The following TNKS variants were observed in gnomAD, a reference collection of about 807,000 sequenced individuals.
TNKS encodes tankyrase, also known as poly [ADP-ribose] polymerase tankyrase-1.
In TNKS, 72 loss-of-function variants were observed where a neutral mutation model predicts 135.8. The ratio of observed to expected loss-of-function variants is 0.53; its 90% CI spans 0.44 to 0.64. The LOEUF is 0.64. TNKS is among the 30% of genes least tolerant of loss of function. The pLI is 0.00. For synonymous variants in TNKS, 849 were observed against 649.3 expected, an observed-to-expected ratio of 1.31 and a Z score of -4.68; for missense variants, 1,769 against 1,674.0, an observed-to-expected ratio of 1.06 and a Z score of -0.99.
chr8:9,776,811 C>A lies in TNKS; in HGVS notation c.*75C>A. Reference sequence around the variant, plus strand: ...TACAGAGGATTGTTTCTAATAACAACATCAATATTCTAGAAGTCCCTGACA... The same window carrying A: ...TACAGAGGATTGTTTCTAATAACAAAATCAATATTCTAGAAGTCCCTGACA... On this transcript the variant is annotated 3_prime_UTR_variant, in exon 27 of 27. Coordinates refer to ENST00000310430, the MANE Select transcript of TNKS (RefSeq NM_003747.3). 1 of 1,401,208 alleles carries A rather than the reference C, an allele frequency of 7.1e-7. No homozygotes were observed. Among genetic ancestry groups the A allele is most frequent in the Non-Finnish European group, 1.0e-6 (1 of 993,724 alleles). 86.8% of individuals were successfully genotyped at this position (1,401,208 alleles called of 1,614,324 possible).
intron 13 of TNKS, among the ~76,000 whole-genome samples, chr8:9,728,051 T>C (rs1805248082): frequency 6.6e-6 from 1 of 152,232 alleles, no homozygotes; most frequent in African/African-American, 2.4e-5. Context: ...GTGCTTATTA[T>C]AATTAATACA....
intron 9 of TNKS, among the ~76,000 whole-genome samples, chr8:9,708,841 T>A (rs1804181804): frequency 1.3e-5 from 2 of 152,162 alleles, no homozygotes; most frequent in Admixed American, 6.5e-5. Flanking sequence ...TAGATTTCCT[T>A]CTGTAGAAGA....
chr8:9,700,957 G>A (rs952518130), intron 5 of TNKS, among the ~76,000 whole-genome samples: 27 of 146,058 alleles, frequency 1.8e-4, no homozygotes, highest in African/African-American at 5.1e-4. Context: ...TTTTTGAGAC[G>A]GAGTCTTGCT....
At chr8:9,626,568 T>G (rs960975308) in intron 3 of TNKS, among the ~76,000 whole-genome samples, 2 of 152,210 alleles carry the variant, frequency 1.3e-5, no homozygotes, top group African/African-American at 4.8e-5. Flanking sequence ...TGATTTTCTG[T>G]TGAAACCTAG....
At chr8:9,600,040 G>A (rs568377215) in intron 2 of TNKS, among the ~76,000 whole-genome samples, 65 of 152,240 alleles carry the variant, frequency 4.3e-4, no homozygotes, top group African/African-American at 1.4e-3. Context: ...TAAAAATTAT[G>A]TGCATAGGCT....
chr8:9,635,870 C>T (rs1009969276), intron 3 of TNKS, among the ~76,000 whole-genome samples: 1 of 152,050 alleles, frequency 6.6e-6, no homozygotes, highest in Non-Finnish European at 1.5e-5. Context: ...ACTAAAGAGA[C>T]ATGACAACTA....
intron 1 of TNKS, among the ~76,000 whole-genome samples, chr8:9,571,411 G>T (rs554849463): frequency 6.6e-6 from 1 of 152,154 alleles, no homozygotes; most frequent in African/African-American, 2.4e-5. Context: ...TTTGAGGGAT[G>T]ATCTGCTTAT....
At chr8:9,577,727 A>C (rs1798006875) in intron 1 of TNKS, among the ~76,000 whole-genome samples, 2 of 152,038 alleles carry the variant, frequency 1.3e-5, no homozygotes, top group South Asian at 2.1e-4. Context: ...ATCCAAACCA[A>C]ATTTTTTGGT....
chr8:9,700,184 T>C (rs1454263390), intron 5 of TNKS, among the ~76,000 whole-genome samples: 1 of 152,160 alleles, frequency 6.6e-6, no homozygotes, highest in Non-Finnish European at 1.5e-5. Context: ...ACAGCATTTA[T>C]ATTGTATTGC....
At chr8:9,727,671 T>C (rs1805231101) in intron 13 of TNKS, among the ~76,000 whole-genome samples, 1 of 152,222 alleles carries the variant, frequency 6.6e-6, no homozygotes, top group Non-Finnish European at 1.5e-5. Context: ...CACCTCTTCT[T>C]AAGCAAACTT....
At chr8:9,690,688 A>G (rs1242024452) in intron 5 of TNKS, among the ~76,000 whole-genome samples, 1 of 149,840 alleles carries the variant, frequency 6.7e-6, no homozygotes, top group East Asian at 2.0e-4. Flanking sequence ...CTGGGAATAA[A>G]TGTAAGTAAG....
At chr8:9,605,868 A>G (rs566119670) in intron 2 of TNKS, among the ~76,000 whole-genome samples, 101 of 152,056 alleles carry the variant, frequency 6.6e-4, no homozygotes, top group African/African-American at 2.3e-3. Flanking sequence ...ATGTGTTGCA[A>G]ATATTTTCTT....
chr8:9,658,126 G>T (rs1204604496), intron 3 of TNKS, among the ~76,000 whole-genome samples: 1 of 106,640 alleles, frequency 9.4e-6, no homozygotes, highest in South Asian at 3.9e-4. Context: ...ATGGGATGGC[G>T]GCCGGGCGGA....
intron 25 of TNKS, among the ~76,000 whole-genome samples, chr8:9,769,712 C>T (rs1585446713): frequency 1.3e-5 from 2 of 150,980 alleles, no homozygotes; most frequent in Admixed American, 6.6e-5. Flanking sequence ...CTCCACCTCC[C>T]GTGTTCGTGC....
chr8:9,756,544 T>A (rs1261159466), intron 20 of TNKS, among the ~76,000 whole-genome samples: 1 of 151,946 alleles, frequency 6.6e-6, no homozygotes, highest in Non-Finnish European at 1.5e-5. Flanking sequence ...AGGAGCAAGT[T>A]AATTTAAATA....
chr8:9,571,444 A>C (rs1797754311), intron 1 of TNKS, among the ~76,000 whole-genome samples: 1 of 152,118 alleles, frequency 6.6e-6, no homozygotes, highest in South Asian at 2.1e-4. Flanking sequence ...TGGGGCAGAA[A>C]GTTAGTTGAT....
In TNKS at chr8:9,706,782, G is replaced by A. The variant is rs202067961; in HGVS notation, c.1270-29G>A. ...TATTTGATCCAGCAAAATGATTACT[G>A]ACCTAAAATGTTTTTTTTCTCAATT... On this transcript the variant is annotated intron_variant, in intron 7 of 26. Transcript: ENST00000310430. 51 of 1,573,756 alleles carry A rather than the reference G, an allele frequency of 3.2e-5. No individual in the cohort carries two copies. In the Admixed American group the frequency reaches 3.6e-4, roughly 11 times the overall value.
At chr8:9,750,579 C>G (rs1200695044) in intron 18 of TNKS, among the ~76,000 whole-genome samples, 1 of 152,142 alleles carries the variant, frequency 6.6e-6, no homozygotes, top group Admixed American at 6.6e-5. Flanking sequence ...TAGCACTTGC[C>G]TATCTATCTT....
chr8:9,615,931 A>G (rs1399911985), intron 3 of TNKS, among the ~76,000 whole-genome samples: 1 of 152,094 alleles, frequency 6.6e-6, no homozygotes. Context: ...TATTTTAGTC[A>G]TTTTTATGGT....
Sources: gnomAD v4.1 joint callset for allele counts (sites outside exome capture counted in the v4.1 genomes callset) on GRCh38, gnomAD v4.1.1 for gene constraint, MANE v1.5 for transcripts, NCBI Gene and HGNC (gene_info 2026-07-23, HGNC 2026-07-21) for gene names.